Variants in EYA2 observed in about 807,000 individuals in gnomAD.
The protein encoded by EYA2 is EYA transcriptional coactivator and phosphatase 2.
Under a neutral mutation model 69.2 loss-of-function variants are expected in EYA2, and 31 were observed. The ratio of observed to expected loss-of-function variants is 0.45; its 90% CI spans 0.34 to 0.60. The LOEUF is 0.60. Ranked by LOEUF, EYA2 falls within the 20% of genes least tolerant of loss-of-function variation. EYA2 has a pLI of 0.02. For synonymous variants in EYA2, 257 were observed against 279.4 expected (o/e 0.92, Z 0.80); for missense variants, 622 against 701.2 (o/e 0.89, Z 1.28).
At chr20:46,988,790 C>CT (rs1387977519) in intron 1 of EYA2, among the ~76,000 whole-genome samples, 1 of 152,242 alleles carries the variant, frequency 6.6e-6, no homozygotes, top group Non-Finnish European at 1.5e-5. Context: ...CACCTTCCAT[C>CT]TACCCTGGCT....
chr20:47,141,752 G>A (rs915038425), intron 9 of EYA2, among the ~76,000 whole-genome samples: 3 of 152,200 alleles, frequency 2.0e-5, no homozygotes, highest in South Asian at 2.1e-4. Context: ...AAAAGAGAGT[G>A]CATGGGGAAG....
Position 47,024,909 on chromosome 20 carries a change from G to A in EYA2, c.415+8612G>A, listed in dbSNP as rs1265690349. Among the ~76,000 whole-genome samples the A allele has an allele frequency of 3.9e-5, 6 of 152,246 alleles. No individual in the cohort carries two copies. The South Asian group carries it at 1.2e-3, about 31-fold the overall frequency. ...AATTTTTCCAGAGCATGGGCTAACA[G>A]CAGCTGAATGTAAAATACCAAACAC... On this transcript the variant is annotated intron_variant, in intron 5 of 15. Coordinates refer to ENST00000327619, the MANE Select transcript of EYA2 (RefSeq NM_005244.5).
At chr20:46,981,741 G>T (rs1029412982) in intron 1 of EYA2, among the ~76,000 whole-genome samples, 1 of 151,902 alleles carries the variant, frequency 6.6e-6, no homozygotes, top group Non-Finnish European at 1.5e-5. Context: ...AATCTATTTG[G>T]GGTATTGTGT....
At chr20:47,059,580 A>G (rs2030785232) in intron 5 of EYA2, among the ~76,000 whole-genome samples, 1 of 152,076 alleles carries the variant, frequency 6.6e-6, no homozygotes, top group Admixed American at 6.5e-5. Flanking sequence ...CGAACTCCTG[A>G]CCTCGTGATC....
At chr20:46,970,625 T>C (rs1980080511) in intron 1 of EYA2, among the ~76,000 whole-genome samples, 1 of 152,110 alleles carries the variant, frequency 6.6e-6, no homozygotes, top group Non-Finnish European at 1.5e-5. Context: ...TGGATGTACA[T>C]TGGTGGGGGG....
chr20:47,076,727 G>A (rs1021497163), intron 7 of EYA2, among the ~76,000 whole-genome samples: 4 of 152,150 alleles, frequency 2.6e-5, no homozygotes, highest in Non-Finnish European at 5.9e-5. Flanking sequence ...CTAGGTCCAG[G>A]TGTTCCAATG....
chr20:47,010,583 C>A lies in EYA2; in HGVS notation c.298+5499C>A, dbSNP rs544344011. ...GGTCGAGGCTGCAGTGAACTGTGAGCATGCCACTGCACTCCAGCCTGGGTG... is the reference window on the plus strand; with the variant it reads ...GGTCGAGGCTGCAGTGAACTGTGAGAATGCCACTGCACTCCAGCCTGGGTG... On this transcript the variant is annotated intron_variant, in intron 4 of 15. Coordinates refer to ENST00000327619, the MANE Select transcript of EYA2 (RefSeq NM_005244.5). Among the ~76,000 whole-genome samples the A allele has an allele frequency of 2.0e-4, 31 of 151,466 alleles. 1 individual carries two copies. The highest frequency in any genetic ancestry group is 7.3e-4 in the African/African-American group (30 of 41,276).
At chr20:47,089,124 TG>T in intron 7 of EYA2, 114 bp from the exon 8 acceptor site, 1 of 1,240,660 alleles carries the variant, frequency 8.1e-7, no homozygotes, top group Non-Finnish European at 1.1e-6. Context: ...TCTTTGCCTC[TG>T]GTGCTGCCTT....
chr20:46,947,288 G>C (rs1978519727), intron 1 of EYA2, among the ~76,000 whole-genome samples: 2 of 145,250 alleles, frequency 1.4e-5, no homozygotes, highest in African/African-American at 5.0e-5. Flanking sequence ...TGGAATCTAA[G>C]TTTTTTTTTT....
In EYA2 at chr20:47,089,371, A is replaced by G. The variant is rs749954966; in HGVS notation, c.794A>G (p.Asn265Ser). Residue 265 changes from asparagine (N) to serine (S), a missense_variant, in exon 8 of 16, where the codon AAT becomes AGT. Asn to Ser is a conservative substitution (Grantham distance 46). This residue lies in a region of EYA2 where 365 missense variants were observed against 349.7 expected (regional missense o/e 1.04). Coordinates refer to ENST00000327619, the MANE Select transcript of EYA2 (RefSeq NM_005244.5). ...AGTGACCCGTCCCCGGCAGGGGACA[A>G]TGAGATTGAGGTAATCCAAAGGGGC... ...RSSDPSPAGD[N>S]EIERVFVWDL... The G allele has an allele frequency of 1.2e-6, 2 of 1,613,518 alleles. No individual in the cohort carries two copies. The highest frequency in any genetic ancestry group is 1.7e-6 in the Non-Finnish European group (2 of 1,179,798).
intron 11 of EYA2, among the ~76,000 whole-genome samples, 175 bp downstream of exon 11, chr20:47,169,372 G>A (rs1306542137): frequency 6.6e-6 from 1 of 152,126 alleles, no homozygotes; most frequent in Non-Finnish European, 1.5e-5. Context: ...CTAGGCGGGT[G>A]TGGTGGCTCA....
intron 9 of EYA2, among the ~76,000 whole-genome samples, chr20:47,118,026 G>A (rs183561390): frequency 3.3e-5 from 5 of 152,372 alleles, no homozygotes; most frequent in Admixed American, 1.3e-4. Context: ...CCTTGCAGGA[G>A]CCTGTAGCTC....
intron 1 of EYA2, among the ~76,000 whole-genome samples, chr20:46,964,033 C>G (rs866273528): frequency 1.4e-4 from 21 of 152,356 alleles, no homozygotes; most frequent in Middle Eastern, 3.4e-3. Context: ...GAGCCACAGC[C>G]AGCATCGCAG....
At chr20:47,023,616 A>C in intron 5 of EYA2, among the ~76,000 whole-genome samples, 1 of 140,032 alleles carries the variant, frequency 7.1e-6, no homozygotes, top group Non-Finnish European at 1.5e-5. Context: ...TCATCTCCAG[A>C]AGTTTGATTT....
chr20:47,052,534 T>A (rs1349234691), intron 5 of EYA2, among the ~76,000 whole-genome samples: 1 of 152,200 alleles, frequency 6.6e-6, no homozygotes, highest in Non-Finnish European at 1.5e-5. Context: ...GGCTTGAGAG[T>A]GCCAGTCCTC....
intron 4 of EYA2, 133 bp from the exon 5 acceptor site, chr20:47,016,048 C>A: frequency 1.4e-6 from 1 of 709,612 alleles, no homozygotes; most frequent in South Asian, 1.7e-5. Flanking sequence ...TGACAAGCCA[C>A]CAGTTTGCAA....
chr20:47,161,439 A>G (rs2034064414), intron 10 of EYA2: 1 of 426,080 alleles, frequency 2.3e-6, no homozygotes, highest in Non-Finnish European at 4.5e-6. Flanking sequence ...CCCCAGGAAA[A>G]AGTCAATGAT....
In EYA2 at chr20:47,004,994, G is replaced by A. The variant is rs148949588; in HGVS notation, c.208G>A (p.Gly70Ser). 10 of 1,613,920 alleles carry A rather than the reference G, an allele frequency of 6.2e-6. No individual in the cohort carries two copies. The South Asian group carries it at 7.7e-5, about 12-fold the overall frequency. Residue 70 changes from glycine (G) to serine (S), a missense_variant, in exon 4 of 16, where the codon GGC (glycine) becomes AGC (serine). Gly to Ser is a moderately conservative substitution (Grantham distance 56). Around this residue, in one of 2 missense-constraint regions of EYA2, gnomAD observed 365 missense variants for 349.7 expected, o/e 1.04. Transcript: ENST00000327619. ...GCCTTCCACAGCCATGGCAGCCTAC[G>A]GCCAGACGCAGTACAGTGCGGGGAT... ...RQPSTAMAAY[G>S]QTQYSAGIQQ...
chr20:47,038,901 C>CA (rs750875714), intron 5 of EYA2, among the ~76,000 whole-genome samples: 18 of 148,632 alleles, frequency 1.2e-4, no homozygotes, highest in Non-Finnish European at 2.4e-4. Context: ...AGGGGCTTCT[C>CA]GAACAGGAGA....
Sources: gnomAD v4.1 joint callset for allele counts (sites outside exome capture counted in the v4.1 genomes callset) on GRCh38, gnomAD v4.1.1 for gene constraint, gnomAD v4.1.1 regional missense constraint, MANE v1.5 for transcripts, NCBI Gene and HGNC (gene_info 2026-07-23, HGNC 2026-07-21) for gene names.